Variants in TNS1 observed in about 807,000 individuals in gnomAD.
TNS1 encodes the protein tensin-1.
TNS1 carries 62 observed loss-of-function variants against 168.6 expected under a neutral mutation model. The ratio of observed to expected loss-of-function variants is 0.37; its 90% CI spans 0.30 to 0.45. The LOEUF (loss-of-function observed/expected upper bound fraction) is 0.45, where lower values mean the gene tolerates loss of function less well. Among genes scored for constraint, TNS1 ranks in the 20% least tolerant of loss-of-function variants. The probability of loss-of-function intolerance (pLI) is 1.00; values close to 1 mark genes in which losing one functional copy is unlikely to be tolerated. For missense variants in TNS1, 2,240 were observed against 2,339.4 expected (o/e 0.96, Z 0.88); for synonymous variants, 934 against 933.2 (o/e 1.00, Z -0.02).
Position 217,836,199 on chromosome 2 carries a change from C to T in TNS1, c.3020G>A (p.Arg1007Gln), listed in dbSNP as rs200499669. The change falls in exon 20 of 33, where the codon CGG becomes CAG. Residue 1007 changes from arginine to glutamine, a missense_variant. By Grantham distance (43) the Arg-to-Gln change is conservative. Around this residue, in one of 2 missense-constraint regions of TNS1, gnomAD observed 2,131 missense variants for 2,171.2 expected, o/e 0.98. Transcript: ENST00000682258. ...VAHRVAGVQA[R>Q]EKQPAEPPAP... ...TGGGGGCTCTGCAGGCTGCTTCTCCCGAGCCTGTACCCCTGGGAGGAAAGC... is the reference window on the plus strand; with the variant it reads ...TGGGGGCTCTGCAGGCTGCTTCTCCTGAGCCTGTACCCCTGGGAGGAAAGC... The T allele has an allele frequency of 1.4e-5, 23 of 1,609,996 alleles. No homozygotes were observed. The highest frequency in any genetic ancestry group is 8.0e-5 in the African/African-American group (6 of 74,784).
intron 3 of TNS1, among the ~76,000 whole-genome samples, chr2:217,972,416 G>A (rs1957792382): frequency 6.6e-6 from 1 of 152,244 alleles, no homozygotes; most frequent in Non-Finnish European, 1.5e-5. Context: ...GGCTGCAGGT[G>A]TGTTTACAAG....
At chr2:218,009,475 C>T (rs1050441241) in intron 1 of TNS1, among the ~76,000 whole-genome samples, 11 of 152,036 alleles carry the variant, frequency 7.2e-5, no homozygotes, top group Admixed American at 5.9e-4. Flanking sequence ...CAGGACACGC[C>T]CACCCACAGC....
At chr2:217,811,050 T>C (rs1178615485) in intron 28 of TNS1, among the ~76,000 whole-genome samples, 1 of 152,140 alleles carries the variant, frequency 6.6e-6, no homozygotes, top group Non-Finnish European at 1.5e-5. Context: ...GGATAATTTT[T>C]TTACTGTTTT....
At chr2:217,951,675 C>CA (rs1295146898) in intron 3 of TNS1, among the ~76,000 whole-genome samples, 1 of 152,040 alleles carries the variant, frequency 6.6e-6, no homozygotes, top group Non-Finnish European at 1.5e-5. Context: ...CACTCCCCAT[C>CA]CTCAAGGCGG....
Position 217,814,972 on chromosome 2 carries a change from C to T in TNS1, c.4669G>A (p.Val1557Met), listed in dbSNP as rs1209218903. The T allele has an allele frequency of 3.7e-6, 6 of 1,613,414 alleles. No homozygotes were observed. The highest frequency in any genetic ancestry group is 5.1e-6 in the Non-Finnish European group (6 of 1,179,744). Residue 1557 changes from valine to methionine, a missense_variant, in exon 25 of 33, where the codon GTG becomes ATG. By Grantham distance (21) the Val-to-Met change is conservative. This residue lies in a region of TNS1 where 2,131 missense variants were observed against 2,171.2 expected (regional missense o/e 0.98). Transcript: ENST00000682258. ...PDNSPETRAK[V>M]KFVQDTSKYW... ...TTAGAAGTGTCCTGGACAAACTTCA[C>T]TTTAGCCCGCGTCTCCGGGCTGTTG...
rs527942177 is a variant in TNS1, at chr2:217,837,845, G to A, written c.3008-1634C>T. The stretch of plus-strand genomic sequence containing the variant: ...GGGCTGCCAGGAGCATCTACCTGAA[G>A]GAAAGAAGGGCGTGGTTTTGGGAAG... On this transcript the variant is annotated intron_variant, in intron 19 of 32. Coordinates refer to ENST00000682258, the MANE Select transcript of TNS1 (RefSeq NM_001387777.1). 5.3e-5 allele frequency among the ~76,000 whole-genome samples: 8 copies of A among 152,362 alleles called. No homozygotes were observed. In the South Asian group the frequency reaches 1.7e-3, roughly 32 times the overall value.
At chr2:217,900,869 C>A (rs559262250) in intron 6 of TNS1, among the ~76,000 whole-genome samples, 1 of 152,292 alleles carries the variant, frequency 6.6e-6, no homozygotes, top group East Asian at 1.9e-4. Flanking sequence ...ACAAGAGAAA[C>A]CCCAGGAGGA....
At chr2:217,976,883 C>T (rs1214717098) in intron 3 of TNS1, among the ~76,000 whole-genome samples, 1 of 152,114 alleles carries the variant, frequency 6.6e-6, no homozygotes, top group African/African-American at 2.4e-5. Context: ...AAATGCATGC[C>T]AGTAGGCAGT....
chr2:217,916,474 G>T (rs572705415), intron 4 of TNS1, among the ~76,000 whole-genome samples: 14 of 152,294 alleles, frequency 9.2e-5, no homozygotes, highest in East Asian at 3.9e-4. Flanking sequence ...CCCATTTGGC[G>T]ATCACCCTTG....
chr2:217,810,405 C>T, intron 28 of TNS1, 86 bp from the exon 29 acceptor site: 1 of 1,326,330 alleles, frequency 7.5e-7, no homozygotes, highest in Non-Finnish European at 1.1e-6. Context: ...CTCTGCAACT[C>T]TTTGGCAGAA....
intron 24 of TNS1, chr2:217,815,368 C>T (rs149146402): frequency 3.8e-4 from 80 of 210,332 alleles, no homozygotes; most frequent in African/African-American, 1.7e-3. Flanking sequence ...AGGAGCCAAC[C>T]TTGCCAACAC....
intron 8 of TNS1, among the ~76,000 whole-genome samples, chr2:217,896,894 C>T (rs140194066): frequency 0.011 from 1,723 of 152,234 alleles, 23 homozygotes; most frequent in Non-Finnish European, 0.018. Flanking sequence ...ACAATATAAA[C>T]GCTCTGCAAA....
chr2:217,996,001 C>T (rs1398384140), intron 1 of TNS1, among the ~76,000 whole-genome samples: 5 of 152,224 alleles, frequency 3.3e-5, no homozygotes, highest in Non-Finnish European at 7.3e-5. Flanking sequence ...TGTGGCACAT[C>T]TGGCTTGGAC....
rs750186190 is a variant in TNS1 at position 217,836,163 on chromosome 2, C to T, written c.3056G>A (p.Arg1019Gln). 5.9e-5 allele frequency: 95 copies of T among 1,613,632 alleles called. No individual in the cohort carries two copies. Among genetic ancestry groups the T allele is most frequent in the Non-Finnish European group, 7.6e-5 (90 of 1,179,896 alleles). Reference sequence around the variant, plus strand: ...CTGTCCATCACTGGCCGCCCGCCTCCGCAGAGGGGCTGGGGGCTCTGCAGG... The same window carrying T: ...CTGTCCATCACTGGCCGCCCGCCTCTGCAGAGGGGCTGGGGGCTCTGCAGG... ...KQPAEPPAPL[R>Q]RRAASDGQYE... Residue 1019 changes from arginine (R) to glutamine (Q), a missense_variant, in exon 20 of 33, where the codon CGG becomes CAG. Transcript: ENST00000682258.
chr2:217,847,962 G>C lies in TNS1; in HGVS notation c.2555C>G (p.Pro852Arg). 3 of 1,512,606 alleles carry C rather than the reference G, an allele frequency of 2.0e-6. No individual in the cohort carries two copies. Among genetic ancestry groups the C allele is most frequent in the Non-Finnish European group, 2.7e-6 (3 of 1,128,108 alleles). 93.7% of individuals were successfully genotyped at this position (1,512,606 alleles called of 1,614,324 possible). The stretch of plus-strand genomic sequence containing the variant: ...GGGGACACTCTGGGACTTGTGTAGT[G>C]GGGCAGCAGCGGAGGCTGGCTCCAG... ...LDLEPASAAA[P>R]LHKSQSVPGA... The change falls in exon 19 of 33, where the codon CCA becomes CGA. Residue 852 changes from proline (P) to arginine (R), a missense_variant. Physicochemically the swap from Pro to Arg is moderately radical, Grantham distance 103 (BLOSUM62 -2). Around this residue, in one of 2 missense-constraint regions of TNS1, gnomAD observed 2,131 missense variants for 2,171.2 expected, o/e 0.98. Coordinates refer to ENST00000682258, the MANE Select transcript of TNS1 (RefSeq NM_001387777.1).
intron 29 of TNS1, 71 bp downstream of exon 29, chr2:217,810,177 G>A (rs774606113): frequency 3.1e-5 from 48 of 1,556,666 alleles, no homozygotes; most frequent in Non-Finnish European, 4.2e-5. Flanking sequence ...GCCTGCACGT[G>A]CAGGAGGGGT....
At position 217,824,019 on chromosome 2, in the gene TNS1, C is replaced by T. The variant is rs796476810; in HGVS notation, c.3374-2081G>A. Among the ~76,000 whole-genome samples, 3 of 152,218 alleles carry T rather than the reference C, an allele frequency of 2.0e-5. No homozygotes were observed. The East Asian group carries it at 5.8e-4, about 29-fold the overall frequency. ...AGATATCCCCTGACCAGGCCCAGTA[C>T]ACTTTTTTGTAAAGACTTAATAGTA... On this transcript the variant is annotated intron_variant, in intron 22 of 32. Transcript: ENST00000682258.
At position 217,974,548 on chromosome 2, in the gene TNS1, T is replaced by C. The variant is rs1009051912; in HGVS notation, c.186+4217A>G. Among the ~76,000 whole-genome samples the C allele has an allele frequency of 2.6e-5, 4 of 152,192 alleles. 1 individual carries two copies. In the South Asian group the frequency reaches 8.3e-4, roughly 32 times the overall value. On this transcript the variant is annotated intron_variant, in intron 3 of 32. Coordinates refer to ENST00000682258, the MANE Select transcript of TNS1 (RefSeq NM_001387777.1). ...AACCTTCCGATGGGCAATCAACACA[T>C]AGATAACATTGACTATGAGCCGGCA... is the stretch of plus-strand genomic sequence containing the variant.
At chr2:217,854,729 A>T (rs1947919746) in intron 18 of TNS1, among the ~76,000 whole-genome samples, 1 of 152,024 alleles carries the variant, frequency 6.6e-6, no homozygotes, top group African/African-American at 2.4e-5. Flanking sequence ...TCCCTTATCC[A>T]CACACTCTGC....
Sources: gnomAD v4.1 joint callset for allele counts (sites outside exome capture counted in the v4.1 genomes callset) on GRCh38, gnomAD v4.1.1 for gene constraint, gnomAD v4.1.1 regional missense constraint, MANE v1.5 for transcripts, NCBI Gene and HGNC (gene_info 2026-07-23, HGNC 2026-07-21) for gene names.